Variants in FGF13 observed in about 807,000 individuals in gnomAD.
FGF13 encodes the protein fibroblast growth factor homologous factor 2.
A neutral mutation model predicts 19.5 loss-of-function variants in FGF13; 2 were observed. The ratio of observed to expected loss-of-function variants is 0.10; its 90% CI spans 0.04 to 0.32. The LOEUF is 0.32. FGF13 is among the 10% of genes least tolerant of loss of function. FGF13 has a pLI of 1.00. For missense variants in FGF13, 113 were observed against 192.7 expected, an observed-to-expected ratio of 0.59 and a Z score of 2.45; for synonymous variants, 72 against 76.9, an observed-to-expected ratio of 0.94 and a Z score of 0.33.
intron 2 of FGF13, among the ~76,000 whole-genome samples, chrX:138,858,744 C>T (rs1400155439): frequency 1.9e-5 from 2 of 103,314 alleles, no homozygotes; most frequent in Non-Finnish European, 3.9e-5. Context: ...TGAATAATGC[C>T]GTGGTGTTTG....
intron 1 of FGF13, among the ~76,000 whole-genome samples, chrX:138,888,936 C>T (rs1489962693): frequency 8.9e-6 from 1 of 111,954 alleles, no homozygotes; most frequent in African/African-American, 3.2e-5. Flanking sequence ...TGATGCATGA[C>T]ACTGTAATTA....
At chrX:138,858,093 C>G (rs1367229284) in intron 2 of FGF13, among the ~76,000 whole-genome samples, 3 of 111,949 alleles carry the variant, frequency 2.7e-5, no homozygotes, top group Non-Finnish European at 5.6e-5. Context: ...TTTTCTTGGT[C>G]TGCTCCTGGT....
At chrX:138,955,309 T>C (rs1295881283) in intron 1 of FGF13, among the ~76,000 whole-genome samples, 1 of 112,286 alleles carries the variant, frequency 8.9e-6, no homozygotes, top group Non-Finnish European at 1.9e-5. Flanking sequence ...ACCCATTCCC[T>C]GCCATGTTTC....
At chrX:138,854,579 A>G, downstream of FGF13, among the ~76,000 whole-genome samples, 1 of 112,264 alleles carries the variant, frequency 8.9e-6, no homozygotes, top group Non-Finnish European at 1.9e-5. Context: ...ATCTATACTA[A>G]TTAAAAAAGA....
chrX:139,084,136 T>C (rs1343393337), intron 1 of FGF13, among the ~76,000 whole-genome samples: 1 of 108,811 alleles, frequency 9.2e-6, no homozygotes, highest in Non-Finnish European at 1.9e-5. Context: ...ACGTGATACA[T>C]ACCAGAGATG....
chrX:138,897,952 T>C (rs762810139), intron 1 of FGF13, among the ~76,000 whole-genome samples: 1 of 111,515 alleles, frequency 9.0e-6, no homozygotes, highest in African/African-American at 3.3e-5. Flanking sequence ...AAACACCTCA[T>C]GGATCAGGGA....
At chrX:138,765,646 A>C (rs2090497470) in intron 3 of FGF13, among the ~76,000 whole-genome samples, 1 of 112,151 alleles carries the variant, frequency 8.9e-6, no homozygotes, top group Non-Finnish European at 1.9e-5. Context: ...GAGCTGTCTC[A>C]GCAGTCAGAT....
In FGF13 at chrX:138,624,514, C is replaced by G; in HGVS notation, c.*8336G>C. 1 of 112,216 alleles carries G rather than the reference C, an allele frequency of 8.9e-6. No individual in the cohort carries two copies. Among genetic ancestry groups the G allele is most frequent in the Non-Finnish European group, 1.9e-5 (1 of 53,247 alleles). The allele number at this position is 112,216 out of a possible 1,213,427, so 9.2% of individuals were successfully genotyped here. The stretch of plus-strand genomic sequence containing the variant: ...TCTATGGCATTGGTCTTGGCAATAA[C>G]TTTTTTGGCTGTAACACCAAAAGCA... On this transcript the variant is annotated 3_prime_UTR_variant, in exon 5 of 5. Transcript: ENST00000315930.
intron 1 of FGF13, among the ~76,000 whole-genome samples, chrX:139,154,937 G>C (rs1366041161): frequency 3.6e-5 from 4 of 111,667 alleles, no homozygotes; most frequent in Non-Finnish European, 7.5e-5. Flanking sequence ...ACAACGTTTT[G>C]AGGTACATGC....
chrX:138,917,733 C>T (rs1391189887), intron 1 of FGF13, among the ~76,000 whole-genome samples: 1 of 111,426 alleles, frequency 9.0e-6, no homozygotes, highest in Non-Finnish European at 1.9e-5. Flanking sequence ...CCTTTTTTTA[C>T]TTTTAAGTTG....
At position 138,757,680 on chromosome X, in the gene FGF13, G is replaced by A. The variant is rs377138711; in HGVS notation, c.218-48752C>T. On this transcript the variant is annotated intron_variant, in intron 3 of 6. Transcript: ENST00000436198. ...ATCTCTGACCTTGAATTGTTTAGAC[G>A]AATAAGGAAGACAATATACTGAGTG... Among the ~76,000 whole-genome samples the A allele has an allele frequency of 4.5e-5, 5 of 111,185 alleles. No homozygotes were observed. The South Asian group carries it at 1.5e-3, about 34-fold the overall frequency.
downstream of FGF13, among the ~76,000 whole-genome samples, chrX:138,854,068 G>T (rs1023305084): frequency 9.0e-6 from 1 of 111,388 alleles, no homozygotes. Flanking sequence ...TTGCCAAAAG[G>T]CTCCTGGAGC....
intron 3 of FGF13, among the ~76,000 whole-genome samples, chrX:138,767,941 G>A (rs143500537): frequency 0.016 from 1,789 of 112,481 alleles, 25 homozygotes; most frequent in African/African-American, 0.054. Flanking sequence ...AAATCTGGTT[G>A]CAATTAAGAC....
intron 3 of FGF13, among the ~76,000 whole-genome samples, chrX:138,693,048 T>C (rs750737552): frequency 4.1e-4 from 46 of 111,393 alleles, no homozygotes; most frequent in Admixed American, 7.7e-4. Flanking sequence ...ACCATCACCC[T>C]GAATACTTTA....
chrX:139,166,438 T>C (rs764091800), intron 1 of FGF13, among the ~76,000 whole-genome samples: 10 of 112,038 alleles, frequency 8.9e-5, no homozygotes, highest in Non-Finnish European at 1.5e-4. Context: ...TCTCTTTCCT[T>C]TATAAATTAC....
chrX:138,750,034 T>A (rs1002448387), intron 3 of FGF13, among the ~76,000 whole-genome samples: 3 of 111,329 alleles, frequency 2.7e-5, no homozygotes, highest in African/African-American at 9.8e-5. Flanking sequence ...ATAGCCTCAA[T>A]TAAGGCAATG....
At chrX:138,978,058 T>C (rs1001857144) in intron 1 of FGF13, among the ~76,000 whole-genome samples, 7 of 111,081 alleles carry the variant, frequency 6.3e-5, no homozygotes, top group Admixed American at 3.8e-4. Flanking sequence ...TAGCAGAAAG[T>C]GTGGATGTAG....
At chrX:138,801,502 C>T (rs747605109) in intron 3 of FGF13, among the ~76,000 whole-genome samples, 1 of 111,496 alleles carries the variant, frequency 9.0e-6, no homozygotes, top group African/African-American at 3.3e-5. Flanking sequence ...ACTGTTCTCT[C>T]GTATGTGGTG....
At position 139,069,414 on chromosome X, in the gene FGF13, G is replaced by A. The variant is rs1222309115; in HGVS notation, c.-113+134002C>T. 9.6e-4 allele frequency among the ~76,000 whole-genome samples: 79 copies of A among 82,348 alleles called. 1 individual carries two copies. The highest frequency in any genetic ancestry group is 3.5e-3 in the African/African-American group (78 of 22,005). The allele number at this position is 82,348 out of a possible 115,157, so 71.5% of individuals were successfully genotyped here. On this transcript the variant is annotated intron_variant, in intron 1 of 2. Transcript: ENST00000421460. ...CACTCATAGGTGGGAATTGAACAAT[G>A]AGATCACATGGACACAGGAAGGGGA...
Sources: allele counts gnomAD v4.1 joint callset (sites outside exome capture counted in the v4.1 genomes callset), GRCh38; gene constraint gnomAD v4.1.1; transcripts MANE v1.5; gene names NCBI Gene and HGNC (gene_info 2026-07-23, HGNC 2026-07-21).